TPR: variants seen among roughly 807,000 people sequenced by gnomAD.
TPR encodes translocated promoter region, nuclear basket protein.
A neutral mutation model predicts 316.1 loss-of-function variants in TPR; 51 were observed. The ratio of observed to expected loss-of-function variants is 0.16; its 90% CI spans 0.13 to 0.20. The LOEUF (loss-of-function observed/expected upper bound fraction) is 0.20, where lower values mean the gene tolerates loss of function less well. TPR is among the 10% of genes least tolerant of loss of function. The pLI is 1.00. For synonymous variants in TPR, 981 were observed against 914.7 expected (o/e 1.07, Z -1.31); for missense variants, 2,272 against 2,754.8 (o/e 0.82, Z 3.92).
At position 186,343,997 on chromosome 1, in the gene TPR, C is replaced by A; in HGVS notation, c.3511G>T (p.Val1171Phe). The change falls in exon 26 of 51, where the codon GTT becomes TTT. Residue 1171 changes from valine to phenylalanine, a missense_variant. By Grantham distance (50) the Val-to-Phe change is conservative (BLOSUM62 -1). This residue lies in a region of TPR where 757 missense variants were observed against 859.8 expected (regional missense o/e 0.88). Transcript: ENST00000367478. ...DQIEKLSDKV[V>F]ASVKEGVQGP... ...TGTACACCTTCCTTCACAGAGGCAACGACCTTGTCACTTAATTTTTCGATC... is the reference window on the plus strand; with the variant it reads ...TGTACACCTTCCTTCACAGAGGCAAAGACCTTGTCACTTAATTTTTCGATC... 1.2e-6 allele frequency: 2 copies of A among 1,614,124 alleles called. No individual in the cohort carries two copies. The highest frequency in any genetic ancestry group is 1.7e-6 in the Non-Finnish European group (2 of 1,180,008).
intron 46 of TPR, among the ~76,000 whole-genome samples, chr1:186,319,924 A>G (rs966166305): frequency 2.6e-5 from 4 of 152,188 alleles, no homozygotes; most frequent in African/African-American, 9.7e-5. Context: ...TATACATTTA[A>G]TTAGAAATGT....
chr1:186,373,254 T>C (rs185901756), intron 2 of TPR, 105 bp downstream of exon 2: 21 of 666,136 alleles, frequency 3.2e-5, no homozygotes, highest in Admixed American at 2.9e-4. Context: ...TGATGCTTAA[T>C]CAATATTTTC....
chr1:186,323,126 C>G (rs189699277), intron 43 of TPR, among the ~76,000 whole-genome samples: 56 of 152,166 alleles, frequency 3.7e-4, no homozygotes, highest in Non-Finnish European at 6.5e-4. Context: ...AAAACTTAAG[C>G]TAAATTAATA....
At chr1:186,340,168 G>A (rs1046026838) in intron 29 of TPR, among the ~76,000 whole-genome samples, 1 of 152,122 alleles carries the variant, frequency 6.6e-6, no homozygotes, top group Non-Finnish European at 1.5e-5. Context: ...CAAACCTTCT[G>A]TAGATGCCAG....
Position 186,337,957 on chromosome 1 carries a change from T to C in TPR, c.4362+76A>G. ...TTTCGGTATCTAAAAGCTAGTAATA[T>C]TCAAAATTACAAAGAAATAAGATTT... is the stretch of plus-strand genomic sequence containing the variant. On this transcript the variant is annotated intron_variant, in intron 31 of 50. Transcript: ENST00000367478. The C allele has an allele frequency of 2.4e-6, 3 of 1,251,302 alleles. No homozygotes were observed. The East Asian group carries it at 7.4e-5, about 31-fold the overall frequency. 77.5% of individuals were successfully genotyped at this position (1,251,302 alleles called of 1,614,324 possible).
chr1:186,342,167 G>T (rs1433465489), intron 27 of TPR: 1 of 152,240 alleles, frequency 6.6e-6, no homozygotes, highest in Admixed American at 6.6e-5. Flanking sequence ...TAGAGACGGG[G>T]TTTCACCGTG....
At chr1:186,369,646 C>G (rs1039523557) in intron 3 of TPR, among the ~76,000 whole-genome samples, 19 of 151,962 alleles carry the variant, frequency 1.3e-4, no homozygotes, top group South Asian at 1.2e-3. Flanking sequence ...TTTGTGGAAT[C>G]TTTCAGGTTT....
chr1:186,370,196 T>C (rs566614300), intron 3 of TPR, among the ~76,000 whole-genome samples: 63 of 152,300 alleles, frequency 4.1e-4, no homozygotes, highest in African/African-American at 1.4e-3. Flanking sequence ...TAGCTATTAC[T>C]ATGTTTTTTT....
At chr1:186,335,245 A>G in intron 34 of TPR, 93 bp downstream of exon 34, 1 of 1,551,640 alleles carries the variant, frequency 6.4e-7, no homozygotes, top group Non-Finnish European at 8.7e-7. Context: ...TTTAGCCAAA[A>G]TTCACTGACA....
At chr1:186,348,188 A>G (rs1179106298) in intron 21 of TPR, among the ~76,000 whole-genome samples, 1 of 152,156 alleles carries the variant, frequency 6.6e-6, no homozygotes, top group Non-Finnish European at 1.5e-5. Context: ...AGATATCGCT[A>G]AATTCTTTTC....
At position 186,311,784 on chromosome 1, in the gene TPR, C is replaced by A. The variant is rs925340954; in HGVS notation, c.*2187G>T. The A allele has an allele frequency of 3.0e-6, 2 of 657,630 alleles. No individual in the cohort carries two copies. The highest frequency in any genetic ancestry group is 2.5e-6 in the Non-Finnish European group (1 of 393,232). The allele number at this position is 657,630 out of a possible 1,614,324, so 40.7% of individuals were successfully genotyped here. On this transcript the variant is annotated 3_prime_UTR_variant, in exon 51 of 51. Coordinates refer to ENST00000367478, the MANE Select transcript of TPR (RefSeq NM_003292.3). The stretch of plus-strand genomic sequence containing the variant: ...ATTTTTATTTTCATTTCTTCACAGG[C>A]AAGTCACAATTCATTTGAGTTTTCA...
Position 186,363,342 on chromosome 1 carries a change from C to T in TPR, c.531G>A (p.Lys177=), listed in dbSNP as rs766476566. The part of the protein sequence containing the change: ...DELQASDVSV[K]YREKRLEQEK... ...GCATTAGGAATCATCTGGTACTTGC[C>T]TTAACAGAAACATCAGAAGCTTGAA... Residue 177 remains lysine (K), a splice_region_variant and synonymous_variant, in exon 5 of 51, where the codon AAG becomes AAA. Coordinates refer to ENST00000367478, the MANE Select transcript of TPR (RefSeq NM_003292.3). 23 of 1,608,762 alleles carry T rather than the reference C, an allele frequency of 1.4e-5. No homozygotes were observed. The highest frequency in any genetic ancestry group is 2.0e-5 in the Non-Finnish European group (23 of 1,175,946).
chr1:186,359,813 C>T lies in TPR; in HGVS notation c.1375G>A (p.Glu459Lys). Residue 459 changes from glutamate (E) to lysine (K), a missense_variant, in exon 12 of 51, where the codon GAA becomes AAA. By Grantham distance (56) the Glu-to-Lys change is moderately conservative. Around this residue, in one of 10 missense-constraint regions of TPR, gnomAD observed 549 missense variants for 598.6 expected, o/e 0.92. Transcript: ENST00000367478. ...KAVASLSVKL[E>K]QAMKEIQRLQ... ...ATGGAACCAACCTTCATAGCTTGTTCAAGCTTAACAGATAAACTTGCTACA... is the reference window on the plus strand; with the variant it reads ...ATGGAACCAACCTTCATAGCTTGTTTAAGCTTAACAGATAAACTTGCTACA... 1 of 1,581,926 alleles carries T rather than the reference C, an allele frequency of 6.3e-7. No homozygotes were observed. Among genetic ancestry groups the T allele is most frequent in the Non-Finnish European group, 8.5e-7 (1 of 1,171,178 alleles).
chr1:186,375,240 G>A lies in TPR; in HGVS notation c.-212C>T, dbSNP rs1308953711. 17 of 1,450,520 alleles carry A rather than the reference G, an allele frequency of 1.2e-5. No individual in the cohort carries two copies. The highest frequency in any genetic ancestry group is 2.9e-5 in the African/African-American group (2 of 69,844). 89.9% of individuals were successfully genotyped at this position (1,450,520 alleles called of 1,614,324 possible). On this transcript the variant is annotated 5_prime_UTR_variant, in exon 1 of 51. Transcript: ENST00000367478. ...AGCGTTTCAGCAACAGCACCTCACC[G>A]CCCGCGACCGAAGTGCGCGCGCAGC...
Position 186,312,489 on chromosome 1 carries a change from T to G in TPR, c.*1482A>C. 1 of 1,082,740 alleles carries G rather than the reference T, an allele frequency of 9.2e-7. No homozygotes were observed. The highest frequency in any genetic ancestry group is 1.6e-5 in the South Asian group (1 of 61,504). 67.1% of individuals were successfully genotyped at this position (1,082,740 alleles called of 1,614,324 possible). ...ATCAAACAGCCCTAATAATTTAAGC[T>G]TACTGATGAAAAACTCATCCACTTG... is the stretch of plus-strand genomic sequence containing the variant. On this transcript the variant is annotated 3_prime_UTR_variant, in exon 51 of 51. Coordinates refer to ENST00000367478, the MANE Select transcript of TPR (RefSeq NM_003292.3).
chr1:186,345,187 G>A (rs559171438), intron 24 of TPR, among the ~76,000 whole-genome samples: 54 of 151,478 alleles, frequency 3.6e-4, no homozygotes, highest in African/African-American at 1.1e-3. Context: ...AGATATCTGC[G>A]CAAACTTGGT....
chr1:186,369,692 T>C (rs1451976843), intron 3 of TPR, among the ~76,000 whole-genome samples: 1 of 151,918 alleles, frequency 6.6e-6, no homozygotes, highest in East Asian at 1.9e-4. Flanking sequence ...TAAGTAAAGA[T>C]AATTTTATTT....
chr1:186,356,726 C>T (rs577261681), intron 14 of TPR, among the ~76,000 whole-genome samples: 97 of 152,276 alleles, frequency 6.4e-4, no homozygotes, highest in African/African-American at 2.2e-3. Flanking sequence ...GCTTTCTTAG[C>T]CATTCTTCCT....
At chr1:186,331,233 A>G (rs1658157164) in intron 39 of TPR, among the ~76,000 whole-genome samples, 2 of 152,086 alleles carry the variant, frequency 1.3e-5, no homozygotes, top group African/African-American at 4.8e-5. Flanking sequence ...AATAGGGAAA[A>G]ATCTTGGCTC....
Sources: gnomAD v4.1 joint callset for allele counts (sites outside exome capture counted in the v4.1 genomes callset) on GRCh38, gnomAD v4.1.1 for gene constraint, gnomAD v4.1.1 regional missense constraint, MANE v1.5 for transcripts, NCBI Gene and HGNC (gene_info 2026-07-23, HGNC 2026-07-21) for gene names.